Variants in AREL1 observed in about 807,000 individuals in gnomAD.
AREL1 encodes the protein apoptosis resistant E3 ubiquitin protein ligase 1.
AREL1 carries 62 observed loss-of-function variants against 99.0 expected under a neutral mutation model. That is an observed-to-expected ratio of 0.63 (90% CI 0.51 to 0.77). AREL1 has a LOEUF of 0.77. Ranked by LOEUF, AREL1 falls within the 30% of genes least tolerant of loss-of-function variation. The pLI, the probability that AREL1 is intolerant of heterozygous loss-of-function variation, is 0.00. For missense variants in AREL1, 879 were observed against 1,027.6 expected (o/e 0.86, Z 1.98); for synonymous variants, 380 against 376.5 (o/e 1.01, Z -0.11).
chr14:74,709,916 T>G (rs543944590), intron 1 of AREL1, among the ~76,000 whole-genome samples: 84 of 152,342 alleles, frequency 5.5e-4, no homozygotes, highest in African/African-American at 1.7e-3. Flanking sequence ...AATTAGTGAA[T>G]GGAATGAAGT....
intron 1 of AREL1, among the ~76,000 whole-genome samples, chr14:74,698,248 C>T (rs2139965510): frequency 6.6e-6 from 1 of 152,254 alleles, no homozygotes; most frequent in Admixed American, 6.5e-5. Context: ...CATATACTCA[C>T]ATTTTAAATG....
chr14:74,671,204 A>G (rs1480086488), intron 12 of AREL1, among the ~76,000 whole-genome samples: 1 of 151,478 alleles, frequency 6.6e-6, no homozygotes, highest in East Asian at 1.9e-4. Context: ...CAAGCTCCTC[A>G]ATGCCATCCT....
At chr14:74,707,935 C>T (rs185303547) in intron 1 of AREL1, among the ~76,000 whole-genome samples, 7 of 143,574 alleles carry the variant, frequency 4.9e-5, no homozygotes, top group Admixed American at 2.9e-4. Context: ...CCAGCCTGGG[C>T]GACAGAGTGA....
At position 74,669,982 on chromosome 14, in the gene AREL1, G is replaced by A. The variant is rs1207293956; in HGVS notation, c.1753C>T (p.Leu585=). 1 of 1,613,444 alleles carries A rather than the reference G, an allele frequency of 6.2e-7. No homozygotes were observed. Among genetic ancestry groups the A allele is most frequent in the Non-Finnish European group, 8.5e-7 (1 of 1,179,674 alleles). ...LVRARFTRSF[L]AQIIGLRMHY... is the part of the protein sequence containing the mutation. ...ATACGCAGTCCTATGATTTGGGCCAGGAAAGAGCGGGTGAAGCGAGCTCGG... is the reference window on the plus strand; with the variant it reads ...ATACGCAGTCCTATGATTTGGGCCAAGAAAGAGCGGGTGAAGCGAGCTCGG... Residue 585 remains leucine (L), a synonymous_variant, in exon 14 of 20, where the codon CTG becomes TTG. Coordinates refer to ENST00000356357, the MANE Select transcript of AREL1 (RefSeq NM_001039479.2).
rs2089131033 is a variant in AREL1 at position 74,663,433 on chromosome 14, T to C, written c.*287A>G. On this transcript the variant is annotated 3_prime_UTR_variant, in exon 20 of 20. Coordinates refer to ENST00000356357, the MANE Select transcript of AREL1 (RefSeq NM_001039479.2). ...CCCGTGTGCCATCTCCCTCAGCTACTGAGATCTTCAAAGGACCAAATAAAT... is the reference window on the plus strand; with the variant it reads ...CCCGTGTGCCATCTCCCTCAGCTACCGAGATCTTCAAAGGACCAAATAAAT... 1 of 419,098 alleles carries C rather than the reference T, an allele frequency of 2.4e-6. No individual in the cohort carries two copies. The highest frequency in any genetic ancestry group is 2.0e-5 in the African/African-American group (1 of 49,358). The allele number at this position is 419,098 out of a possible 1,614,324, so 26.0% of individuals were successfully genotyped here.
At chr14:74,677,567 C>T (rs2089519582) in intron 5 of AREL1, among the ~76,000 whole-genome samples, 1 of 130,034 alleles carries the variant, frequency 7.7e-6, no homozygotes, top group Non-Finnish European at 1.6e-5. Context: ...AATGCAGTGG[C>T]ACGATCTCGG....
intron 5 of AREL1, among the ~76,000 whole-genome samples, chr14:74,677,818 A>T (rs1222429545): frequency 7.1e-6 from 1 of 139,952 alleles, no homozygotes; most frequent in Non-Finnish European, 1.6e-5. Context: ...TCTCTTTATT[A>T]AAAAAAAAAA....
At chr14:74,690,795 T>C (rs1349046906) in intron 2 of AREL1, among the ~76,000 whole-genome samples, 2 of 152,172 alleles carry the variant, frequency 1.3e-5, no homozygotes, top group Non-Finnish European at 2.9e-5. Flanking sequence ...AGAAGAAAAA[T>C]ATGACAGTAG....
At chr14:74,682,315 T>C (rs937071571) in intron 5 of AREL1, among the ~76,000 whole-genome samples, 4 of 152,212 alleles carry the variant, frequency 2.6e-5, no homozygotes, top group African/African-American at 9.7e-5. Context: ...CCAGGTCCTA[T>C]TATTTCTGTG....
intron 1 of AREL1, among the ~76,000 whole-genome samples, chr14:74,706,413 T>G (rs2090180771): frequency 1.3e-5 from 2 of 152,184 alleles, no homozygotes; most frequent in Non-Finnish European, 2.9e-5. Flanking sequence ...TTCAATTCTG[T>G]GCTTATTTTT....
chr14:74,662,360 T>G lies in AREL1; in HGVS notation c.*1360A>C, dbSNP rs1454718905. The G allele has an allele frequency of 2.6e-6, 1 of 384,322 alleles. No homozygotes were observed. The highest frequency in any genetic ancestry group is 4.6e-6 in the Non-Finnish European group (1 of 217,346). 23.8% of individuals were successfully genotyped at this position (384,322 alleles called of 1,614,324 possible). ...TTGGCAATAAAGATGGCTTGTAATA[T>G]TCTCAGAGTTGACTGCCCCATTGGG... On this transcript the variant is annotated 3_prime_UTR_variant, in exon 20 of 20. Transcript: ENST00000356357.
chr14:74,670,419 T>C (rs939147321), intron 13 of AREL1, among the ~76,000 whole-genome samples: 1 of 152,226 alleles, frequency 6.6e-6, no homozygotes, highest in African/African-American at 2.4e-5. Flanking sequence ...TGTACTTCTC[T>C]ACTCCTGACA....
At position 74,662,638 on chromosome 14, in the gene AREL1, T is replaced by TATC. The variant is rs1388995289; in HGVS notation, c.*1079_*1081dup. On this transcript the variant is annotated 3_prime_UTR_variant, in exon 20 of 20. Transcript: ENST00000356357. ...GTTGGCAGGTGTTTACTGTGTAACA[T>TATC]ATCACCTCCATGTTCATCCCTAGTG... is the stretch of plus-strand genomic sequence containing the variant. 1 of 398,354 alleles carries TATC rather than the reference T, an allele frequency of 2.5e-6. No homozygotes were observed. 24.7% of individuals were successfully genotyped at this position (398,354 alleles called of 1,614,324 possible).
rs774822585 is a variant in AREL1, at chr14:74,683,381, C to T, written c.396G>A (p.Val132=). ...NSNVVKVAFT[V]RKAGRYEITV... ...TGATTTCATAACGCCCAGCCTTGCGCACAGTGAAGGCCACTTTTACTACGT... is the reference window on the plus strand; with the variant it reads ...TGATTTCATAACGCCCAGCCTTGCGTACAGTGAAGGCCACTTTTACTACGT... The change falls in exon 5 of 20, where the codon GTG becomes GTA. Residue 132 remains valine, a synonymous_variant. Coordinates refer to ENST00000356357, the MANE Select transcript of AREL1 (RefSeq NM_001039479.2). 6 of 1,614,028 alleles carry T rather than the reference C, an allele frequency of 3.7e-6. No homozygotes were observed.
intron 8 of AREL1, among the ~76,000 whole-genome samples, chr14:74,674,756 T>C (rs1038958235): frequency 1.3e-5 from 2 of 152,188 alleles, no homozygotes; most frequent in African/African-American, 4.8e-5. Flanking sequence ...AAAATCTCCT[T>C]CTGCTCAGCC....
chr14:74,667,604 G>A lies in AREL1; in HGVS notation c.1915-10C>T. 1.3e-6 allele frequency: 2 copies of A among 1,597,002 alleles called. No individual in the cohort carries two copies. Among genetic ancestry groups the A allele is most frequent in the Non-Finnish European group, 1.7e-6 (2 of 1,170,902 alleles). On this transcript the variant is annotated splice_polypyrimidine_tract_variant and intron_variant, in intron 15 of 19. Coordinates refer to ENST00000356357, the MANE Select transcript of AREL1 (RefSeq NM_001039479.2). ...TCATGAGTTCTACAACCTGTAACAG[G>A]CAGCAAAAGACAGACAAGGGAGAGG...
chr14:74,674,088 G>A lies in AREL1; in HGVS notation c.1104C>T (p.Tyr368=), dbSNP rs780997962. ...AAAGGCGCCAGGGGATGATCTTCAG[G>A]TAGAACTCCTTCACTGAGAATTGCT... ...SPKQFSVKEF[Y]LKIIPWRLYT... Residue 368 remains tyrosine, a synonymous_variant, in exon 9 of 20, where the codon TAC becomes TAT. Coordinates refer to ENST00000356357, the MANE Select transcript of AREL1 (RefSeq NM_001039479.2). 6.8e-6 allele frequency: 11 copies of A among 1,613,760 alleles called. No homozygotes were observed. In the South Asian group the frequency reaches 1.2e-4, roughly 18 times the overall value.
chr14:74,688,437 C>T (rs796936848), intron 2 of AREL1, among the ~76,000 whole-genome samples: 41 of 152,224 alleles, frequency 2.7e-4, no homozygotes, highest in African/African-American at 9.9e-4. Context: ...GAGTCCTCGG[C>T]CATTTTTCCC....
At chr14:74,672,223 T>C (rs1264072943) in intron 11 of AREL1, among the ~76,000 whole-genome samples, 3 of 152,230 alleles carry the variant, frequency 2.0e-5, no homozygotes, top group Non-Finnish European at 4.4e-5. Flanking sequence ...AAGGGACCCA[T>C]TCAGTAGATT....
Sources: gnomAD v4.1 joint callset for allele counts (sites outside exome capture counted in the v4.1 genomes callset) on GRCh38, gnomAD v4.1.1 for gene constraint, MANE v1.5 for transcripts, NCBI Gene and HGNC (gene_info 2026-07-23, HGNC 2026-07-21) for gene names.